The following CBX7 variants were observed in gnomAD, a reference collection of about 807,000 sequenced individuals.
CBX7 encodes the protein chromobox protein homolog 7.
CBX7 carries 14 observed loss-of-function variants against 31.4 expected under a neutral mutation model. The ratio of observed to expected loss-of-function variants is 0.45; its 90% CI spans 0.29 to 0.70. CBX7 has a LOEUF of 0.70. CBX7 is among the 30% of genes least tolerant of loss of function. The pLI, the probability that CBX7 is intolerant of heterozygous loss-of-function variation, is 0.11. For missense variants in CBX7, 269 were observed against 351.9 expected (o/e 0.76, Z 1.89); for synonymous variants, 159 against 152.6 (o/e 1.04, Z -0.31).
intron 2 of CBX7, chr22:39,149,531 A>G: frequency 1.8e-6 from 1 of 544,836 alleles, no homozygotes; most frequent in Non-Finnish European, 3.3e-6. Flanking sequence ...GAGGAGGGAG[A>G]GCAGAAGCTC....
intron 4 of CBX7, chr22:39,136,872 G>A (rs541522221): frequency 1.4e-4 from 22 of 152,316 alleles, no homozygotes; most frequent in African/African-American, 4.8e-4. Flanking sequence ...CCCTTCCTAG[G>A]CTCAATTCAT....
At chr22:39,145,380 C>T (rs1293208579) in intron 2 of CBX7, among the ~76,000 whole-genome samples, 2 of 152,170 alleles carry the variant, frequency 1.3e-5, no homozygotes, top group African/African-American at 2.4e-5. Flanking sequence ...GCGCCACTAG[C>T]GTGGGCGCCG....
rs767654213 is a variant in CBX7, at chr22:39,138,626, G to T, written c.246+10C>A. The T allele has an allele frequency of 6.2e-7, 1 of 1,614,040 alleles. No homozygotes were observed. The highest frequency in any genetic ancestry group is 8.5e-7 in the Non-Finnish European group (1 of 1,179,884). On this transcript the variant is annotated intron_variant, in intron 4 of 5. Transcript: ENST00000216133. ...GGGGGAGAAAGGAGGCACAAAGGCA[G>T]GCTGGTTACCTGCAGCAGAAGCCGC...
rs1930343118 is a variant in CBX7, at chr22:39,138,701, C to T, written c.181G>A (p.Glu61Lys). Residue 61 changes from glutamate to lysine, a missense_variant and splice_region_variant, in exon 4 of 6, where the codon GAG becomes AAG. Coordinates refer to ENST00000216133, the MANE Select transcript of CBX7 (RefSeq NM_175709.5). ...TACCCCGATGCTCGGTCTCTCTCCTCCCTGGGGTGTGAAGCAGGTGGCAGA... is the reference window on the plus strand; with the variant it reads ...TACCCCGATGCTCGGTCTCTCTCCTTCCTGGGGTGTGAAGCAGGTGGCAGA... ...PRLVMAYEEK[E>K]ERDRASGYRK... The T allele has an allele frequency of 6.2e-7, 1 of 1,614,032 alleles. No individual in the cohort carries two copies. The highest frequency in any genetic ancestry group is 1.3e-5 in the African/African-American group (1 of 74,928).
At chr22:39,137,978 G>A (rs901548909) in intron 4 of CBX7, among the ~76,000 whole-genome samples, 2 of 151,990 alleles carry the variant, frequency 1.3e-5, no homozygotes, top group African/African-American at 2.4e-5. Flanking sequence ...TCAGGAGATC[G>A]AGACCATCCT....
At chr22:39,144,544 G>T (rs974690955) in intron 2 of CBX7, among the ~76,000 whole-genome samples, 1 of 152,262 alleles carries the variant, frequency 6.6e-6, no homozygotes. Context: ...AAGGGCTGGG[G>T]AGCCCCTGCA....
At position 39,131,170 on chromosome 22, in the gene CBX7, A is replaced by G. The variant is rs757889020; in HGVS notation, c.*2721T>C. 6.6e-6 allele frequency: 1 copy of G among 152,394 alleles called. No individual in the cohort carries two copies. Among genetic ancestry groups the G allele is most frequent in the African/African-American group, 2.4e-5 (1 of 41,408 alleles). 9.4% of individuals were successfully genotyped at this position (152,394 alleles called of 1,614,324 possible). Reference sequence around the variant, plus strand: ...AGCTTGGCAACGAGGTCATCACCCGAACAGCAGTGACAGTCCTGCATTCCA... The same window carrying G: ...AGCTTGGCAACGAGGTCATCACCCGGACAGCAGTGACAGTCCTGCATTCCA... On this transcript the variant is annotated 3_prime_UTR_variant, in exon 6 of 6. Transcript: ENST00000216133.
chr22:39,149,729 G>A, intron 2 of CBX7, 60 bp downstream of exon 2: 2 of 1,486,374 alleles, frequency 1.3e-6, no homozygotes, highest in Non-Finnish European at 1.9e-6. Flanking sequence ...CAAAAGGCAG[G>A]TGGAGGAATG....
chr22:39,152,543 C>G lies in CBX7; in HGVS notation c.-99G>C, dbSNP rs1238050731. The G allele has an allele frequency of 1.4e-5, 6 of 421,006 alleles. No individual in the cohort carries two copies. Among genetic ancestry groups the G allele is most frequent in the African/African-American group, 2.2e-5 (1 of 46,152 alleles). The allele number at this position is 421,006 out of a possible 1,614,324, so 26.1% of individuals were successfully genotyped here. A position where few individuals can be genotyped will look rare whatever the true frequency, so the allele number is the denominator to read the frequency against. On this transcript the variant is annotated 5_prime_UTR_variant, in exon 1 of 6. Coordinates refer to ENST00000216133, the MANE Select transcript of CBX7 (RefSeq NM_175709.5). The surrounding 1 kb of genome is among the most constrained non-coding windows in gnomAD (Gnocchi z 4.9). ...GCGATGCTGGGGCTGGCGGGGTCCC[C>G]GTCACCCTCGTCCGGGCGCGCACGC...
In CBX7 at chr22:39,138,685, G is replaced by A. The variant is rs758928846; in HGVS notation, c.197C>T (p.Ala66Val). The change falls in exon 4 of 6, where the codon GCA becomes GTA. Residue 66 changes from alanine to valine, a missense_variant. By Grantham distance (64) the Ala-to-Val change is moderately conservative. This residue lies in a region of CBX7 where 47 missense variants were observed against 111.5 expected (regional missense o/e 0.42). Transcript: ENST00000216133. ...CGGACCTCTCTTCCTATACCCCGAT[G>A]CTCGGTCTCTCTCCTCCCTGGGGTG... ...AYEEKEERDR[A>V]SGYRKRGPKP... The A allele has an allele frequency of 3.7e-6, 6 of 1,614,178 alleles. No individual in the cohort carries two copies. In the Admixed American group the frequency reaches 1.0e-4, roughly 27 times the overall value.
At position 39,152,321 on chromosome 22, in the gene CBX7, TG is replaced by T; in HGVS notation, c.69+54del. Reference sequence around the variant, plus strand: ...AGCCCCAGCGTGGAGGGAGCGGTGCTGGGGACGGGAGGGACCCCACTGGGGT... The same window carrying T: ...AGCCCCAGCGTGGAGGGAGCGGTGCTGGGACGGGAGGGACCCCACTGGGGT... On this transcript the variant is annotated intron_variant, in intron 1 of 5. Coordinates refer to ENST00000216133, the MANE Select transcript of CBX7 (RefSeq NM_175709.5). This position sits in a 1 kb window ranked among gnomAD's most constrained non-coding sequence, Gnocchi z 4.9. The T allele has an allele frequency of 3.3e-6, 4 of 1,200,524 alleles. No homozygotes were observed. Among genetic ancestry groups the T allele is most frequent in the South Asian group, 4.0e-5 (2 of 49,844 alleles). 74.4% of individuals were successfully genotyped at this position (1,200,524 alleles called of 1,614,324 possible). A position where few individuals can be genotyped will look rare whatever the true frequency, so the allele number is the denominator to read the frequency against.
At chr22:39,143,807 A>G (rs1452961987) in intron 2 of CBX7, among the ~76,000 whole-genome samples, 1 of 152,084 alleles carries the variant, frequency 6.6e-6, no homozygotes, top group Non-Finnish European at 1.5e-5. Flanking sequence ...AGCAGACTCT[A>G]TTACACAGCC....
chr22:39,144,761 C>T (rs1930583004), intron 2 of CBX7, among the ~76,000 whole-genome samples: 1 of 152,266 alleles, frequency 6.6e-6, no homozygotes, highest in Admixed American at 6.5e-5. Context: ...GGTCCCAACC[C>T]TTCTCTGAAC....
chr22:39,140,515 C>T (rs1250852743), intron 3 of CBX7, among the ~76,000 whole-genome samples: 1 of 152,152 alleles, frequency 6.6e-6, no homozygotes, highest in Non-Finnish European at 1.5e-5. Flanking sequence ...CAGCGAGGGG[C>T]AGTGGAAAAG....
chr22:39,146,651 T>G (rs73884826), intron 2 of CBX7, among the ~76,000 whole-genome samples: 2,157 of 152,356 alleles, frequency 0.014, 48 homozygotes, highest in African/African-American at 0.05. Context: ...CCTCATTTGC[T>G]GTAGGCTTCT....
chr22:39,136,392 G>A (rs1276190426), intron 4 of CBX7: 1 of 152,334 alleles, frequency 6.6e-6, no homozygotes, highest in Non-Finnish European at 1.5e-5. Context: ...GACTTCCCAG[G>A]CTAGGGCATA....
chr22:39,135,244 A>G (rs1279636393), intron 4 of CBX7: 2 of 156,028 alleles, frequency 1.3e-5, no homozygotes, highest in East Asian at 1.9e-4. Flanking sequence ...CCGGATGCCC[A>G]TGCTATCCAG....
rs1204463950 is a variant in CBX7 at position 39,134,607 on chromosome 22, A to C, written c.392T>G (p.Leu131Trp). Reference sequence around the variant, plus strand: ...GAGCGGGAAGGGCAGGGTGGGCACCAAGGGGCCCTTGTCCACCAGCTCAGG... The same window carrying C: ...GAGCGGGAAGGGCAGGGTGGGCACCCAGGGGCCCTTGTCCACCAGCTCAGG... The part of the protein sequence containing the change: ...GAPELVDKGP[L>W]VPTLPFPLRK... The change falls in exon 5 of 6, where the codon TTG becomes TGG. Residue 131 changes from leucine (L) to tryptophan (W), a missense_variant. Coordinates refer to ENST00000216133, the MANE Select transcript of CBX7 (RefSeq NM_175709.5). The C allele has an allele frequency of 1.3e-6, 2 of 1,588,762 alleles. No individual in the cohort carries two copies. The highest frequency in any genetic ancestry group is 1.7e-6 in the Non-Finnish European group (2 of 1,167,786).
rs950306531 is a variant in CBX7 at position 39,133,147 on chromosome 22, G to T, written c.*744C>A. 6.6e-6 allele frequency: 1 copy of T among 152,254 alleles called. No homozygotes were observed. The highest frequency in any genetic ancestry group is 6.5e-5 in the Admixed American group (1 of 15,280). 9.4% of individuals were successfully genotyped at this position (152,254 alleles called of 1,614,324 possible). On this transcript the variant is annotated 3_prime_UTR_variant, in exon 6 of 6. Coordinates refer to ENST00000216133, the MANE Select transcript of CBX7 (RefSeq NM_175709.5). ...TGGCCAGGGTTTCTAACCCAGGTTCGCAAGGCCCATGTGGACACGTCTGCA... is the reference window on the plus strand; with the variant it reads ...TGGCCAGGGTTTCTAACCCAGGTTCTCAAGGCCCATGTGGACACGTCTGCA...
Sources: gnomAD v4.1 joint callset for allele counts (sites outside exome capture counted in the v4.1 genomes callset) on GRCh38, gnomAD v4.1.1 for gene constraint, gnomAD v4.1.1 regional missense constraint, Gnocchi (gnomAD v3.1) non-coding constraint, MANE v1.5 for transcripts, NCBI Gene and HGNC (gene_info 2026-07-23, HGNC 2026-07-21) for gene names.